AGBL4: variants seen among roughly 807,000 people sequenced by gnomAD.
The protein encoded by AGBL4 is cytosolic carboxypeptidase 6.
A neutral mutation model predicts 66.4 loss-of-function variants in AGBL4; 58 were observed. That is an observed-to-expected ratio of 0.87 (90% CI 0.71 to 1.09). The LOEUF is 1.09. Ranked by LOEUF, AGBL4 falls within the 50% of genes least tolerant of loss-of-function variation. The pLI is 0.00. For synonymous variants in AGBL4, 234 were observed against 222.9 expected, an observed-to-expected ratio of 1.05 and a Z score of -0.44; for missense variants, 579 against 631.0, an observed-to-expected ratio of 0.92 and a Z score of 0.88.
chr1:48,796,924 G>T (rs1349965572), intron 6 of AGBL4, among the ~76,000 whole-genome samples: 1 of 152,096 alleles, frequency 6.6e-6, no homozygotes, highest in Non-Finnish European at 1.5e-5. Flanking sequence ...CTCCATAGTG[G>T]GAAAACAGCA....
chr1:49,842,582 C>T (rs1433252597), intron 2 of AGBL4, among the ~76,000 whole-genome samples: 2 of 152,182 alleles, frequency 1.3e-5, no homozygotes, highest in African/African-American at 4.8e-5. Flanking sequence ...ACCAAGTCCT[C>T]ATCTCCACTG....
At chr1:49,884,113 C>T (rs2148150708) in intron 1 of AGBL4, among the ~76,000 whole-genome samples, 2 of 152,038 alleles carry the variant, frequency 1.3e-5, no homozygotes, top group African/African-American at 2.4e-5. Flanking sequence ...GATTCAAACT[C>T]TTTACTCTTC....
chr1:49,138,739 T>A (rs1646061613), intron 4 of AGBL4, among the ~76,000 whole-genome samples: 1 of 152,092 alleles, frequency 6.6e-6, no homozygotes, highest in Non-Finnish European at 1.5e-5. Flanking sequence ...AAAGGAATGG[T>A]TTCTCAAATA....
chr1:49,807,155 G>A (rs1029955883), intron 2 of AGBL4, among the ~76,000 whole-genome samples: 14 of 152,090 alleles, frequency 9.2e-5, no homozygotes, highest in African/African-American at 3.4e-4. Flanking sequence ...ACCTAGTGGG[G>A]TACAGCCACC....
chr1:49,684,565 C>T (rs1450373653), intron 3 of AGBL4, among the ~76,000 whole-genome samples: 3 of 152,114 alleles, frequency 2.0e-5, no homozygotes. Context: ...TGTCATGTCA[C>T]ATCAATCAAT....
chr1:48,886,786 C>T (rs1022276067), intron 5 of AGBL4, among the ~76,000 whole-genome samples: 8 of 152,086 alleles, frequency 5.3e-5, no homozygotes, highest in African/African-American at 1.4e-4. Flanking sequence ...CTCCAGACCT[C>T]GTGATCCGCC....
intron 3 of AGBL4, among the ~76,000 whole-genome samples, chr1:49,289,479 C>A (rs1221701363): frequency 6.6e-6 from 1 of 152,064 alleles, no homozygotes; most frequent in Non-Finnish European, 1.5e-5. Context: ...TGTTTGAAGA[C>A]AGTATAAAAG....
intron 6 of AGBL4, among the ~76,000 whole-genome samples, chr1:48,723,676 T>G (rs756122542): frequency 3.9e-5 from 6 of 152,206 alleles, no homozygotes; most frequent in Non-Finnish European, 7.3e-5. Context: ...TGGAGAGATA[T>G]GCAGTCTTGG....
chr1:49,608,849 T>C (rs1056933144), intron 3 of AGBL4, among the ~76,000 whole-genome samples: 3 of 152,162 alleles, frequency 2.0e-5, no homozygotes, highest in Non-Finnish European at 1.5e-5. Context: ...CAGTGTGATA[T>C]ATTCTTTATA....
At chr1:49,429,652 A>T (rs532772607) in intron 3 of AGBL4, among the ~76,000 whole-genome samples, 7 of 152,152 alleles carry the variant, frequency 4.6e-5, no homozygotes, top group South Asian at 2.1e-4. Context: ...ATGATTTTTT[A>T]AAAAATAAGA....
Position 49,804,511 on chromosome 1 carries a change from T to G in AGBL4, c.157+46885A>C, listed in dbSNP as rs182875389. The stretch of plus-strand genomic sequence containing the variant: ...TTATTATGGAGTATAATTTCACCTA[T>G]ATGCAAGTAATTCACACTATACTGG... On this transcript the variant is annotated intron_variant, in intron 2 of 13. Coordinates refer to ENST00000371839, the MANE Select transcript of AGBL4 (RefSeq NM_032785.4). Among the ~76,000 whole-genome samples, 13 of 152,314 alleles carry G rather than the reference T, an allele frequency of 8.5e-5. No homozygotes were observed. In the East Asian group the frequency reaches 1.5e-3, roughly 18 times the overall value.
At chr1:49,170,913 A>G (rs1251644074) in intron 4 of AGBL4, among the ~76,000 whole-genome samples, 1 of 152,176 alleles carries the variant, frequency 6.6e-6, no homozygotes, top group African/African-American at 2.4e-5. Context: ...GCTTCTTCAC[A>G]TAATAACAGA....
At position 49,797,367 on chromosome 1, in the gene AGBL4, G is replaced by A. The variant is rs180702045; in HGVS notation, c.157+54029C>T. Reference sequence around the variant, plus strand: ...TTATAGAAGACAAGATTGTTACTGTGCCTAGGATAAATAGGTACATTAGTT... The same window carrying A: ...TTATAGAAGACAAGATTGTTACTGTACCTAGGATAAATAGGTACATTAGTT... On this transcript the variant is annotated intron_variant, in intron 2 of 13. Transcript: ENST00000371839. 2.6e-5 allele frequency among the ~76,000 whole-genome samples: 4 copies of A among 152,252 alleles called. No homozygotes were observed. The East Asian group carries it at 7.7e-4, about 29-fold the overall frequency.
intron 4 of AGBL4, among the ~76,000 whole-genome samples, chr1:49,114,752 G>A (rs1338832964): frequency 2.0e-5 from 3 of 152,088 alleles, no homozygotes; most frequent in Non-Finnish European, 4.4e-5. Flanking sequence ...GGGAATACAG[G>A]GGCCTGAGGT....
Position 49,583,871 on chromosome 1 carries a change from C to T in AGBL4, c.282+113442G>A, listed in dbSNP as rs539851522. On this transcript the variant is annotated intron_variant, in intron 3 of 13. Transcript: ENST00000371839. ...TAACCGTAGAGTGGATCAATCTGCC[C>T]CAGTTGGCTTATCTTAAATGGATGT... Among the ~76,000 whole-genome samples the T allele has an allele frequency of 5.3e-5, 8 of 152,250 alleles. 1 individual carries two copies. In the South Asian group the frequency reaches 1.5e-3, roughly 28 times the overall value.
intron 4 of AGBL4, among the ~76,000 whole-genome samples, chr1:49,053,987 T>C (rs1331439121): frequency 4.6e-5 from 7 of 152,094 alleles, no homozygotes. Context: ...AATTTACACA[T>C]GTAAAAGCAG....
At chr1:49,093,675 A>G (rs1168889335) in intron 4 of AGBL4, among the ~76,000 whole-genome samples, 1 of 152,192 alleles carries the variant, frequency 6.6e-6, no homozygotes, top group Non-Finnish European at 1.5e-5. Context: ...TAATATCTCC[A>G]ACATAAAAAA....
chr1:49,958,180 T>C (rs1656797186), intron 1 of AGBL4, among the ~76,000 whole-genome samples: 1 of 152,058 alleles, frequency 6.6e-6, no homozygotes, highest in African/African-American at 2.4e-5. Flanking sequence ...GAATGTTGAA[T>C]ATTGGCCCCC....
At position 49,142,815 on chromosome 1, in the gene AGBL4, A is replaced by T. The variant is rs112874885; in HGVS notation, c.378-97015T>A. On this transcript the variant is annotated intron_variant, in intron 4 of 13. Transcript: ENST00000371839. ...ATAATAACAAAAAGTTTTATAATTCATATATTATTTTCTATTCCTTTCTTC... is the reference window on the plus strand; with the variant it reads ...ATAATAACAAAAAGTTTTATAATTCTTATATTATTTTCTATTCCTTTCTTC... 2.2e-3 allele frequency among the ~76,000 whole-genome samples: 339 copies of T among 152,318 alleles called. 2 individuals carry two copies. Among genetic ancestry groups the T allele is most frequent in the African/African-American group, 7.8e-3 (326 of 41,572 alleles).
Sources: allele counts gnomAD v4.1 joint callset (sites outside exome capture counted in the v4.1 genomes callset), GRCh38; gene constraint gnomAD v4.1.1; transcripts MANE v1.5; gene names NCBI Gene and HGNC (gene_info 2026-07-23, HGNC 2026-07-21).